CNTNAP2: variants seen among roughly 807,000 people sequenced by gnomAD.
CNTNAP2 encodes the protein contactin associated protein 2, also known as contactin-associated protein-like 2.
CNTNAP2 carries 98 observed loss-of-function variants against 155.2 expected under a neutral mutation model. The ratio of observed to expected loss-of-function variants is 0.63; its 90% CI spans 0.54 to 0.75. The LOEUF (loss-of-function observed/expected upper bound fraction) is 0.75. Among genes scored for constraint, CNTNAP2 ranks in the 30% least tolerant of loss-of-function variants. The pLI, the probability that CNTNAP2 is intolerant of heterozygous loss-of-function variation, is 0.00. For missense variants in CNTNAP2, 1,727 were observed against 1,688.1 expected (o/e 1.02, Z -0.40); for synonymous variants, 651 against 631.2 (o/e 1.03, Z -0.47).
intron 13 of CNTNAP2, among the ~76,000 whole-genome samples, chr7:147,715,786 A>T (rs1043737251): frequency 6.6e-6 from 1 of 151,944 alleles, no homozygotes; most frequent in Non-Finnish European, 1.5e-5. Flanking sequence ...TATCTTGAAG[A>T]TTTTCTCCTA....
intron 1 of CNTNAP2, among the ~76,000 whole-genome samples, chr7:146,338,236 A>G (rs1801313435): frequency 6.6e-6 from 1 of 152,120 alleles, no homozygotes; most frequent in African/African-American, 2.4e-5. Context: ...GTATTACTCT[A>G]AAATGCTGGC....
chr7:147,118,056 G>T (rs1026189661), intron 5 of CNTNAP2, among the ~76,000 whole-genome samples: 12 of 151,946 alleles, frequency 7.9e-5, no homozygotes, highest in Non-Finnish European at 1.6e-4. Flanking sequence ...GACATTAGGA[G>T]AAAATATAGG....
rs536959829 is a variant in CNTNAP2 at position 146,650,400 on chromosome 7, G to A, written c.98-123871G>A. On this transcript the variant is annotated intron_variant, in intron 1 of 23. Transcript: ENST00000361727. ...GAGTTCATGTCCTTTGCAGGGACACGGGTGAAGCTGGAAAGCATCATTCTC... is the reference window on the plus strand; with the variant it reads ...GAGTTCATGTCCTTTGCAGGGACACAGGTGAAGCTGGAAAGCATCATTCTC... 1.8e-3 allele frequency among the ~76,000 whole-genome samples: 278 copies of A among 152,210 alleles called. 1 individual carries two copies. The highest frequency in any genetic ancestry group is 4.2e-3 in the South Asian group (20 of 4,818).
At chr7:146,941,231 A>G (rs897804222) in intron 3 of CNTNAP2, among the ~76,000 whole-genome samples, 2 of 151,960 alleles carry the variant, frequency 1.3e-5, no homozygotes, top group Non-Finnish European at 2.9e-5. Flanking sequence ...TAGTGGTACA[A>G]TTATTTTGTT....
At chr7:146,727,081 A>G (rs544309287) in intron 1 of CNTNAP2, among the ~76,000 whole-genome samples, 1 of 152,188 alleles carries the variant, frequency 6.6e-6, no homozygotes, top group South Asian at 2.1e-4. Context: ...TTGTAATTCT[A>G]GTTGAAATGT....
chr7:147,624,825 G>A lies in CNTNAP2; in HGVS notation c.1898-14281G>A, dbSNP rs373752006. Among the ~76,000 whole-genome samples, 619 of 152,224 alleles carry A rather than the reference G, an allele frequency of 4.1e-3. 8 individuals are homozygous for A. Among genetic ancestry groups the A allele is most frequent in the Middle Eastern group, 6.8e-3 (2 of 294 alleles). ...TTACTCTCATGTTTATTGCAGTACT[G>A]TTCACAATAGCCAAGATTTGGAAGC... On this transcript the variant is annotated intron_variant, in intron 12 of 23. Coordinates refer to ENST00000361727, the MANE Select transcript of CNTNAP2 (RefSeq NM_014141.6).
chr7:147,303,308 T>G (rs1174363666), intron 9 of CNTNAP2, among the ~76,000 whole-genome samples: 1 of 152,190 alleles, frequency 6.6e-6, no homozygotes, highest in Non-Finnish European at 1.5e-5. Flanking sequence ...ATTCAGTTCA[T>G]TAGAGGACTT....
intron 21 of CNTNAP2, among the ~76,000 whole-genome samples, chr7:148,374,844 T>C (rs916596914): frequency 6.6e-5 from 10 of 152,340 alleles, no homozygotes; most frequent in African/African-American, 2.2e-4. Flanking sequence ...TTCAATTTAC[T>C]GGGATTCGAA....
intron 10 of CNTNAP2, among the ~76,000 whole-genome samples, chr7:147,460,037 A>C (rs1797992961): frequency 6.6e-6 from 1 of 152,104 alleles, no homozygotes; most frequent in Non-Finnish European, 1.5e-5. Context: ...GAAATACCTA[A>C]TGTAGATGAC....
In CNTNAP2 at chr7:146,979,305, A is replaced by G. The variant is rs200513947; in HGVS notation, c.403-64602A>G. 8.6e-5 allele frequency among the ~76,000 whole-genome samples: 13 copies of G among 151,996 alleles called. No individual in the cohort carries two copies. The East Asian group carries it at 1.2e-3, about 14-fold the overall frequency. On this transcript the variant is annotated intron_variant, in intron 3 of 23. Transcript: ENST00000361727. ...ATGATAGCCACACTGGCCGCCTTCT[A>G]TTTTTACAAAGATTGCTGTCTCTTT...
intron 13 of CNTNAP2, among the ~76,000 whole-genome samples, chr7:147,784,267 T>C (rs528687764): frequency 6.0e-4 from 91 of 150,822 alleles, no homozygotes; most frequent in Non-Finnish European, 1.0e-3. Context: ...ACGTAAAAAT[T>C]TTTGGAAGAC....
At chr7:148,320,077 C>G (rs1218978424) in intron 21 of CNTNAP2, among the ~76,000 whole-genome samples, 1 of 152,096 alleles carries the variant, frequency 6.6e-6, no homozygotes, top group African/African-American at 2.4e-5. Flanking sequence ...AAGGGAACCA[C>G]ATTGCCTTAA....
intron 3 of CNTNAP2, among the ~76,000 whole-genome samples, chr7:146,928,808 C>A (rs904938012): frequency 4.6e-5 from 7 of 152,226 alleles, no homozygotes; most frequent in Admixed American, 6.5e-5. Context: ...TCGGAGGGTC[C>A]TACGCCCACG....
rs1489331097 is a variant in CNTNAP2, at chr7:147,250,517, GC to G, written c.1349-49620del. 7.2e-5 allele frequency among the ~76,000 whole-genome samples: 11 copies of G among 151,946 alleles called. No homozygotes were observed. The South Asian group carries it at 2.3e-3, about 32-fold the overall frequency. ...ATCATCTCCCACTTACATAATCATTGCCCCTTATCCACTAAGCACCCCCCAC... is the reference window on the plus strand; with the variant it reads ...ATCATCTCCCACTTACATAATCATTGCCCTTATCCACTAAGCACCCCCCAC... On this transcript the variant is annotated intron_variant, in intron 8 of 23. Coordinates refer to ENST00000361727, the MANE Select transcript of CNTNAP2 (RefSeq NM_014141.6).
chr7:147,025,851 G>GT (rs750325755), intron 3 of CNTNAP2, among the ~76,000 whole-genome samples: 293 of 134,908 alleles, frequency 2.2e-3, no homozygotes, highest in South Asian at 3.9e-3. Context: ...TGTTGCTGTT[G>GT]TTTTTTTTTT....
At chr7:147,489,908 C>T (rs1422370583) in intron 11 of CNTNAP2, among the ~76,000 whole-genome samples, 5 of 152,300 alleles carry the variant, frequency 3.3e-5, no homozygotes, top group Non-Finnish European at 4.4e-5. Context: ...AGCCACCATG[C>T]CTGGCCAAAC....
intron 13 of CNTNAP2, among the ~76,000 whole-genome samples, chr7:147,787,470 TCATTG>T: frequency 6.6e-6 from 1 of 152,220 alleles, no homozygotes; most frequent in South Asian, 2.1e-4. Context: ...TCCAAAATAG[TCATTG>T]TATACCACAT....
intron 1 of CNTNAP2, among the ~76,000 whole-genome samples, chr7:146,481,483 T>C (rs1174278240): frequency 6.6e-6 from 1 of 152,212 alleles, no homozygotes; most frequent in African/African-American, 2.4e-5. Context: ...TTTGTGACAA[T>C]TGAACTCAAT....
At chr7:148,298,702 A>G (rs540544905) in intron 21 of CNTNAP2, among the ~76,000 whole-genome samples, 2 of 152,206 alleles carry the variant, frequency 1.3e-5, no homozygotes, top group African/African-American at 2.4e-5. Context: ...ACATATATAT[A>G]TATTTTTTAG....
Sources: allele counts gnomAD v4.1 joint callset (sites outside exome capture counted in the v4.1 genomes callset), GRCh38; gene constraint gnomAD v4.1.1; transcripts MANE v1.5; gene names NCBI Gene and HGNC (gene_info 2026-07-23, HGNC 2026-07-21).